Variants in WWOX observed in about 807,000 individuals in gnomAD.
The protein encoded by WWOX is WW domain containing oxidoreductase.
A neutral mutation model predicts 46.2 loss-of-function variants in WWOX; 69 were observed. That is an observed-to-expected ratio of 1.49 (90% CI 1.23 to 1.82). WWOX has a LOEUF of 1.82. Among genes scored for constraint, WWOX ranks in the 40% most tolerant of loss-of-function variants. The probability of loss-of-function intolerance (pLI) is 0.00; values close to 1 mark genes in which losing one functional copy is unlikely to be tolerated. For synonymous variants in WWOX, 359 were observed against 202.6 expected, an observed-to-expected ratio of 1.77 and a Z score of -6.56; for missense variants, 919 against 542.6, an observed-to-expected ratio of 1.69 and a Z score of -6.89.
intron 8 of WWOX, among the ~76,000 whole-genome samples, chr16:78,796,667 T>C (rs745466293): frequency 7.2e-5 from 11 of 152,230 alleles, no homozygotes; most frequent in Non-Finnish European, 1.6e-4. Flanking sequence ...GTTAGAGATA[T>C]ATCTGTTTAT....
chr16:78,814,989 T>A (rs2051292882), intron 8 of WWOX, among the ~76,000 whole-genome samples: 2 of 152,156 alleles, frequency 1.3e-5, no homozygotes, highest in African/African-American at 4.8e-5. Context: ...ATTTTCAGGC[T>A]TGCTCCCTGC....
At chr16:78,154,853 G>A (rs181567612) in intron 4 of WWOX, among the ~76,000 whole-genome samples, 2 of 152,282 alleles carry the variant, frequency 1.3e-5, no homozygotes, top group African/African-American at 4.8e-5. Flanking sequence ...ATGGACTGAG[G>A]GTGTTTTGTG....
At chr16:78,738,783 G>C (rs1450218764) in intron 8 of WWOX, among the ~76,000 whole-genome samples, 2 of 152,150 alleles carry the variant, frequency 1.3e-5, no homozygotes, top group Non-Finnish European at 2.9e-5. Flanking sequence ...TGCAACCCTA[G>C]AGCCATTGCC....
At chr16:78,936,677 G>A (rs1342) in intron 8 of WWOX, among the ~76,000 whole-genome samples, 15,744 of 151,982 alleles carry the variant, frequency 0.1, 1,061 homozygotes, top group Non-Finnish European at 0.15. Context: ...GGAAAGCAAC[G>A]TACCCTAGGT....
At chr16:78,804,670 T>A (rs1055434161) in intron 8 of WWOX, among the ~76,000 whole-genome samples, 3 of 152,244 alleles carry the variant, frequency 2.0e-5, no homozygotes, top group Non-Finnish European at 4.4e-5. Context: ...TAAATTTAAC[T>A]ATCACTTTCA....
At chr16:79,039,074 G>T (rs1167306713) in intron 8 of WWOX, among the ~76,000 whole-genome samples, 1 of 151,988 alleles carries the variant, frequency 6.6e-6, no homozygotes, top group African/African-American at 2.4e-5. Flanking sequence ...ATTTAACATG[G>T]ATAAACTGAA....
chr16:78,831,636 T>C (rs77103234), intron 8 of WWOX, among the ~76,000 whole-genome samples: 1,614 of 152,116 alleles, frequency 0.011, 33 homozygotes, highest in African/African-American at 0.037. Context: ...TTTTCTTGAG[T>C]TTTTTCATCT....
intron 8 of WWOX, chr16:78,534,310 A>G (rs2043702926): frequency 1.3e-5 from 2 of 152,228 alleles, no homozygotes; most frequent in African/African-American, 2.4e-5. Flanking sequence ...AGTGCTTGGC[A>G]TATAGCTGCT....
At chr16:79,178,735 T>C (rs2050852188) in intron 8 of WWOX, among the ~76,000 whole-genome samples, 1 of 152,240 alleles carries the variant, frequency 6.6e-6, no homozygotes, top group South Asian at 2.1e-4. Context: ...ATGCTCTTCC[T>C]GGATGGGAGA....
At chr16:78,547,149 A>AAC (rs1255705854) in intron 8 of WWOX, among the ~76,000 whole-genome samples, 6 of 105,010 alleles carry the variant, frequency 5.7e-5, no homozygotes, top group African/African-American at 1.7e-4. Flanking sequence ...AAAAAAAAAA[A>AAC]AAAAAAAAAA....
At chr16:78,561,244 C>T (rs532712732) in intron 8 of WWOX, among the ~76,000 whole-genome samples, 6 of 152,118 alleles carry the variant, frequency 3.9e-5, no homozygotes, top group Non-Finnish European at 7.4e-5. Flanking sequence ...GCATGGAGTC[C>T]CCTCCTGCTT....
chr16:78,320,361 T>C (rs74029889), intron 5 of WWOX, among the ~76,000 whole-genome samples: 1 of 152,336 alleles, frequency 6.6e-6, no homozygotes, highest in African/African-American at 2.4e-5. Context: ...AGATTCTGTA[T>C]CTGGGGGTAG....
intron 8 of WWOX, among the ~76,000 whole-genome samples, chr16:78,981,440 CAT>C (rs1491569182): frequency 1.9e-5 from 2 of 105,288 alleles, no homozygotes; most frequent in East Asian, 4.3e-4. Context: ...TATGAAGCAT[CAT>C]TTTTTTTTTT....
intron 6 of WWOX, among the ~76,000 whole-genome samples, chr16:78,391,230 TC>T (rs929046123): frequency 9.9e-5 from 15 of 152,230 alleles, no homozygotes; most frequent in African/African-American, 2.7e-4. Flanking sequence ...GAGGGAGCCC[TC>T]CTAACCATGA....
intron 8 of WWOX, among the ~76,000 whole-genome samples, chr16:79,201,432 G>T (rs980487177): frequency 2.7e-5 from 4 of 150,660 alleles, no homozygotes; most frequent in African/African-American, 9.8e-5. Context: ...ATTTGTACAC[G>T]ATGCCTGAGC....
chr16:78,653,673 G>T (rs898999267), intron 8 of WWOX, among the ~76,000 whole-genome samples: 1 of 152,336 alleles, frequency 6.6e-6, no homozygotes, highest in South Asian at 2.1e-4. Context: ...GGAGCAAGTG[G>T]AAAGAACCTG....
intron 8 of WWOX, among the ~76,000 whole-genome samples, chr16:78,832,727 A>T (rs1214120923): frequency 6.6e-6 from 1 of 152,144 alleles, no homozygotes; most frequent in Non-Finnish European, 1.5e-5. Flanking sequence ...ACCCAAGGGA[A>T]TCATGTGTCA....
chr16:79,069,268 C>G (rs1042439727), intron 8 of WWOX, among the ~76,000 whole-genome samples: 1 of 152,190 alleles, frequency 6.6e-6, no homozygotes, highest in Admixed American at 6.5e-5. Flanking sequence ...TTTAGAGTTG[C>G]CAGTTCTCTT....
At chr16:78,468,648 A>C (rs541351707) in intron 8 of WWOX, among the ~76,000 whole-genome samples, 2 of 152,292 alleles carry the variant, frequency 1.3e-5, no homozygotes, top group South Asian at 4.1e-4. Flanking sequence ...TGTCTGATTT[A>C]TACTAACTAG....
Sources: allele counts gnomAD v4.1 joint callset (sites outside exome capture counted in the v4.1 genomes callset), GRCh38; gene constraint gnomAD v4.1.1; transcripts MANE v1.5; gene names NCBI Gene and HGNC (gene_info 2026-07-23, HGNC 2026-07-21).